Variants in TMCO4 observed in about 807,000 individuals in gnomAD.
TMCO4 encodes the protein transmembrane and coiled-coil domain-containing protein 4.
Under a neutral mutation model 64.7 loss-of-function variants are expected in TMCO4, and 58 were observed. That is an observed-to-expected ratio of 0.90 (90% CI 0.73 to 1.12). The LOEUF (loss-of-function observed/expected upper bound fraction) is 1.12. TMCO4 is among the 50% of genes most tolerant of loss of function. TMCO4 has a pLI of 0.00. For synonymous variants in TMCO4, 325 were observed against 346.1 expected (o/e 0.94, Z 0.68); for missense variants, 780 against 825.9 (o/e 0.94, Z 0.68).
At chr1:19,728,554 C>T (rs1268069259) in intron 13 of TMCO4, among the ~76,000 whole-genome samples, 1 of 152,260 alleles carries the variant, frequency 6.6e-6, no homozygotes, top group East Asian at 1.9e-4. Context: ...AGGCCAATTG[C>T]TGTCAAGGAG....
At chr1:19,705,094 G>T (rs1378868241) in intron 13 of TMCO4, among the ~76,000 whole-genome samples, 1 of 152,090 alleles carries the variant, frequency 6.6e-6, no homozygotes, top group Non-Finnish European at 1.5e-5. Context: ...TTAGACCAGG[G>T]GTGTCCAATC....
intron 3 of TMCO4, among the ~76,000 whole-genome samples, chr1:19,781,550 T>C (rs2043477576): frequency 6.6e-6 from 1 of 150,702 alleles, no homozygotes; most frequent in South Asian, 2.1e-4. Context: ...AAAATCCCAA[T>C]GAGACACTAA....
intron 7 of TMCO4, among the ~76,000 whole-genome samples, chr1:19,749,928 A>G (rs2041955501): frequency 6.6e-6 from 1 of 152,226 alleles, no homozygotes; most frequent in Non-Finnish European, 1.5e-5. Flanking sequence ...CAGTGGACAG[A>G]ACCACTTAAT....
At chr1:19,758,317 TA>T (rs2042355496) in intron 6 of TMCO4, among the ~76,000 whole-genome samples, 1 of 152,086 alleles carries the variant, frequency 6.6e-6, no homozygotes, top group Non-Finnish European at 1.5e-5. Context: ...TTAGATTCAG[TA>T]AACTTCCATG....
At chr1:19,708,624 C>A (rs2095314567) in intron 13 of TMCO4, among the ~76,000 whole-genome samples, 2 of 152,136 alleles carry the variant, frequency 1.3e-5, no homozygotes, top group South Asian at 4.1e-4. Flanking sequence ...AGGTGAAGGT[C>A]CCAGCTTCAC....
At chr1:19,693,880 T>C (rs973246082) in intron 15 of TMCO4, among the ~76,000 whole-genome samples, 7 of 152,238 alleles carry the variant, frequency 4.6e-5, no homozygotes, top group African/African-American at 1.7e-4. Context: ...GATGGGGCTG[T>C]TGGGGAGCCC....
chr1:19,765,871 C>T (rs1398304771), intron 6 of TMCO4, among the ~76,000 whole-genome samples: 1 of 152,144 alleles, frequency 6.6e-6, no homozygotes, highest in African/African-American at 2.4e-5. Context: ...CTAATCAGCC[C>T]GTCTCACACC....
At chr1:19,713,612 T>C (rs1199400177) in intron 13 of TMCO4, among the ~76,000 whole-genome samples, 1 of 152,086 alleles carries the variant, frequency 6.6e-6, no homozygotes, top group African/African-American at 2.4e-5. Flanking sequence ...GGCAGGAGGA[T>C]GGCTTGAGCC....
intron 2 of TMCO4, among the ~76,000 whole-genome samples, chr1:19,792,557 A>C (rs2044098304): frequency 6.6e-6 from 1 of 152,172 alleles, no homozygotes; most frequent in Non-Finnish European, 1.5e-5. Flanking sequence ...TTCTTCTTGG[A>C]GAGTTGAAAA....
chr1:19,799,393 C>G (rs1158824147), intron 1 of TMCO4: 3 of 152,596 alleles, frequency 2.0e-5, no homozygotes, highest in East Asian at 3.9e-4. Flanking sequence ...GTCCTAGAGG[C>G]CTTCCTGACG....
intron 13 of TMCO4, among the ~76,000 whole-genome samples, chr1:19,707,563 C>T (rs951891801): frequency 2.0e-5 from 3 of 152,206 alleles, no homozygotes; most frequent in Non-Finnish European, 4.4e-5. Flanking sequence ...GAGGAGATTG[C>T]AGTGAGCAGA....
intron 2 of TMCO4, among the ~76,000 whole-genome samples, chr1:19,791,821 C>T (rs576775799): frequency 1.8e-4 from 28 of 152,276 alleles, no homozygotes; most frequent in Non-Finnish European, 3.2e-4. Flanking sequence ...GTTCTTGTCC[C>T]GGGTACTGTG....
intron 13 of TMCO4, among the ~76,000 whole-genome samples, chr1:19,708,542 C>T (rs558135120): frequency 2.0e-4 from 30 of 152,274 alleles, no homozygotes; most frequent in African/African-American, 6.3e-4. Flanking sequence ...ATGCACAAAG[C>T]GGGGCCAGCC....
chr1:19,711,050 A>G (rs1055894873), intron 13 of TMCO4, among the ~76,000 whole-genome samples: 2 of 152,230 alleles, frequency 1.3e-5, no homozygotes, highest in Non-Finnish European at 2.9e-5. Context: ...TTTTCCCATC[A>G]GAAAGATGAG....
intron 13 of TMCO4, among the ~76,000 whole-genome samples, chr1:19,715,689 C>A (rs780674371): frequency 6.6e-6 from 1 of 152,208 alleles, no homozygotes; most frequent in Non-Finnish European, 1.5e-5. Context: ...TCTGGACACG[C>A]CCCCTGGGCT....
intron 15 of TMCO4, among the ~76,000 whole-genome samples, chr1:19,684,532 C>T (rs569958651): frequency 2.6e-4 from 40 of 152,114 alleles, no homozygotes; most frequent in African/African-American, 8.9e-4. Context: ...CAACTTCCTC[C>T]GCTGTAAAAA....
intron 8 of TMCO4, 50 bp downstream of exon 8, chr1:19,747,113 T>A: frequency 6.3e-7 from 1 of 1,583,984 alleles, no homozygotes; most frequent in Non-Finnish European, 8.7e-7. Flanking sequence ...TGGCATCATT[T>A]CTCTGTCTAC....
chr1:19,723,513 G>C (rs145900582), intron 13 of TMCO4, among the ~76,000 whole-genome samples: 12 of 152,290 alleles, frequency 7.9e-5, no homozygotes, highest in African/African-American at 2.9e-4. Context: ...GGGTGCCCCA[G>C]TCATCATGTA....
chr1:19,702,954 C>T (rs1344528312), intron 13 of TMCO4, among the ~76,000 whole-genome samples: 1 of 152,212 alleles, frequency 6.6e-6, no homozygotes, highest in Non-Finnish European at 1.5e-5. Flanking sequence ...CCTCCCTCAG[C>T]CTCTATCCAA....
Sources: allele counts gnomAD v4.1 joint callset (sites outside exome capture counted in the v4.1 genomes callset), GRCh38; gene constraint gnomAD v4.1.1; transcripts MANE v1.5; gene names NCBI Gene and HGNC (gene_info 2026-07-23, HGNC 2026-07-21).